The following FBXL13 variants were observed in gnomAD, a reference collection of about 807,000 sequenced individuals.
FBXL13 encodes the protein F-box and leucine-rich repeat protein 13.
In FBXL13, 67 loss-of-function variants were observed where a neutral mutation model predicts 83.6. That is an observed-to-expected ratio of 0.80 (90% CI 0.66 to 0.98). The LOEUF is 0.98. Among genes scored for constraint, FBXL13 ranks in the 50% least tolerant of loss-of-function variants. The pLI, the probability that FBXL13 is intolerant of heterozygous loss-of-function variation, is 0.00. For synonymous variants in FBXL13, 272 were observed against 299.5 expected (o/e 0.91, Z 0.95); for missense variants, 822 against 866.5 (o/e 0.95, Z 0.64).
At chr7:102,962,984 A>AT in intron 8 of FBXL13, among the ~76,000 whole-genome samples, 1 of 22,920 alleles carries the variant, frequency 4.4e-5, no homozygotes, top group East Asian at 1.9e-3. Flanking sequence ...AAGGATAATA[A>AT]AAATATATAT....
intron 6 of FBXL13, chr7:102,978,305 A>G (rs1351588559): frequency 6.6e-6 from 1 of 152,118 alleles, no homozygotes; most frequent in Non-Finnish European, 1.5e-5. Flanking sequence ...TTTTTTCTAT[A>G]ACCAAATAGA....
downstream of FBXL13, among the ~76,000 whole-genome samples, chr7:102,812,777 C>G (rs1401412066): frequency 6.7e-6 from 1 of 150,300 alleles, no homozygotes; most frequent in Non-Finnish European, 1.5e-5. Context: ...ATAATCTCAT[C>G]AAAACTATTG....
At chr7:102,952,898 C>T (rs757833464) in intron 8 of FBXL13, among the ~76,000 whole-genome samples, 16 of 152,236 alleles carry the variant, frequency 1.1e-4, no homozygotes, top group Admixed American at 3.3e-4. Context: ...GCAGGAGAAT[C>T]ACTTGAACCC....
intron 8 of FBXL13, among the ~76,000 whole-genome samples, chr7:102,958,555 T>TAAA (rs1220524778): frequency 9.4e-5 from 14 of 148,278 alleles, no homozygotes; most frequent in African/African-American, 3.5e-4. Flanking sequence ...ATAATAATAA[T>TAAA]AATAATAATA....
chr7:102,942,359 A>T, intron 8 of FBXL13: 1 of 1,544,780 alleles, frequency 6.5e-7, no homozygotes, highest in Non-Finnish European at 8.7e-7. Flanking sequence ...ATACAAATGC[A>T]GTGGGAGTTG....
chr7:102,849,367 G>A (rs377211878), intron 17 of FBXL13, among the ~76,000 whole-genome samples: 1 of 152,184 alleles, frequency 6.6e-6, no homozygotes. Flanking sequence ...CTGACTCTGC[G>A]TGTGCTGTGG....
intron 18 of FBXL13, among the ~76,000 whole-genome samples, chr7:102,830,373 T>C (rs556772822): frequency 6.6e-6 from 1 of 152,308 alleles, no homozygotes; most frequent in South Asian, 2.1e-4. Flanking sequence ...CACTAAGCCA[T>C]GTGTTGCCCA....
intron 16 of FBXL13, among the ~76,000 whole-genome samples, chr7:102,861,140 T>TA (rs1806774309): frequency 6.6e-6 from 1 of 152,064 alleles, no homozygotes; most frequent in South Asian, 2.1e-4. Flanking sequence ...TATGTAGTAT[T>TA]ATGCATATAT....
chr7:102,851,425 TTTC>T (rs1472883560), intron 17 of FBXL13, among the ~76,000 whole-genome samples: 2 of 86,198 alleles, frequency 2.3e-5, no homozygotes, highest in Non-Finnish European at 4.4e-5. Context: ...TAGGTTTTTC[TTTC>T]TCTCTTTCTT....
intron 2 of FBXL13, among the ~76,000 whole-genome samples, chr7:103,051,608 C>T (rs1034895429): frequency 6.6e-6 from 1 of 152,174 alleles, no homozygotes; most frequent in African/African-American, 2.4e-5. Flanking sequence ...CTGACACCAT[C>T]TGATAAAAGA....
chr7:102,912,545 A>T (rs1263934721), intron 11 of FBXL13, among the ~76,000 whole-genome samples: 2 of 152,164 alleles, frequency 1.3e-5, no homozygotes, highest in East Asian at 3.9e-4. Flanking sequence ...TGTTCCCTCA[A>T]ACTTAAAATA....
At chr7:102,934,688 T>C (rs1457093503) in intron 8 of FBXL13, 8 of 1,573,440 alleles carry the variant, frequency 5.1e-6, no homozygotes, top group Non-Finnish European at 6.9e-6. Context: ...AAGGAAAGGT[T>C]TGTACTTTTC....
chr7:102,885,895 T>A (rs1398042399), intron 11 of FBXL13, among the ~76,000 whole-genome samples: 1 of 152,206 alleles, frequency 6.6e-6, no homozygotes, highest in Non-Finnish European at 1.5e-5. Flanking sequence ...CCCCATTGAA[T>A]GGTCTCAGCA....
intron 6 of FBXL13, among the ~76,000 whole-genome samples, chr7:102,991,422 G>C (rs1829548522): frequency 6.6e-6 from 1 of 152,186 alleles, no homozygotes; most frequent in South Asian, 2.1e-4. Flanking sequence ...TGTCACAGTG[G>C]GCAGGTGGGA....
intron 19 of FBXL13, among the ~76,000 whole-genome samples, chr7:102,815,524 CA>C (rs755505683): frequency 1.6e-4 from 25 of 152,106 alleles, no homozygotes; most frequent in Non-Finnish European, 3.1e-4. Context: ...CCCTGCCTCC[CA>C]AACACCAGAG....
At chr7:102,854,664 ATTT>A in intron 17 of FBXL13, 110 bp downstream of exon 18, 3 of 589,136 alleles carry the variant, frequency 5.1e-6, no homozygotes, top group Non-Finnish European at 8.7e-6. Context: ...AGTGATTTAT[ATTT>A]TGCAATTCTG....
At chr7:102,977,953 G>T (rs546859445) in intron 6 of FBXL13, among the ~76,000 whole-genome samples, 9 of 152,236 alleles carry the variant, frequency 5.9e-5, no homozygotes, top group South Asian at 2.1e-4. Flanking sequence ...GTTGTGGGGT[G>T]GGGGGAGAGG....
chr7:102,963,251 C>A (rs540519160), intron 8 of FBXL13, among the ~76,000 whole-genome samples: 44 of 151,228 alleles, frequency 2.9e-4, no homozygotes, highest in African/African-American at 1.0e-3. Context: ...AACCCAGGAG[C>A]CGGAGGTTAC....
chr7:103,071,781 T>C (rs1798985781), intron 1 of FBXL13, among the ~76,000 whole-genome samples: 1 of 151,962 alleles, frequency 6.6e-6, no homozygotes, highest in African/African-American at 2.4e-5. Flanking sequence ...TTAGGACAGG[T>C]AGATGAAATT....
Sources: allele counts gnomAD v4.1 joint callset (sites outside exome capture counted in the v4.1 genomes callset), GRCh38; gene constraint gnomAD v4.1.1; transcripts MANE v1.5; gene names NCBI Gene and HGNC (gene_info 2026-07-23, HGNC 2026-07-21).